UMAD1: variants seen among roughly 807,000 people sequenced by gnomAD.
UMAD1 encodes the protein UBAP1-MVB12-associated (UMA)-domain containing protein 1.
UMAD1 carries 8 observed loss-of-function variants against 6.1 expected under a neutral mutation model. The observed-to-expected ratio is 1.30, with a 90% CI of 0.76 to 2.35. The LOEUF is 2.35. UMAD1 is among the 30% of genes most tolerant of loss of function. The probability of loss-of-function intolerance (pLI) is 0.00; values close to 1 mark genes in which losing one functional copy is unlikely to be tolerated. For synonymous variants in UMAD1, 56 were observed against 31.4 expected (o/e 1.78, Z -2.61); for missense variants, 130 against 78.4 (o/e 1.66, Z -2.49).
intron 2 of UMAD1, among the ~76,000 whole-genome samples, chr7:7,679,880 T>A (rs1461238516): frequency 3.3e-5 from 5 of 151,672 alleles, no homozygotes; most frequent in African/African-American, 1.2e-4. Context: ...ATTTTAAAAT[T>A]GGATTATTTT....
intron 3 of UMAD1, among the ~76,000 whole-genome samples, chr7:7,877,058 G>T (rs1784432068): frequency 6.6e-6 from 1 of 152,174 alleles, no homozygotes; most frequent in African/African-American, 2.4e-5. Flanking sequence ...TGTTTAAGGG[G>T]TCTGTGGGTG....
chr7:7,864,602 TACACAC>T (rs59036228), intron 3 of UMAD1, among the ~76,000 whole-genome samples: 16,837 of 140,000 alleles, frequency 0.12, 1,077 homozygotes, highest in African/African-American at 0.17. Flanking sequence ...ACATGAAAAC[TACACAC>T]ACACACACAC....
intron 3 of UMAD1, among the ~76,000 whole-genome samples, chr7:7,826,661 A>T (rs1303830395): frequency 2.6e-5 from 4 of 152,154 alleles, no homozygotes; most frequent in African/African-American, 9.7e-5. Context: ...TGCATCTTCA[A>T]CCATAGCAGG....
intron 3 of UMAD1, among the ~76,000 whole-genome samples, chr7:7,813,996 T>A (rs1164246755): frequency 6.6e-6 from 1 of 152,148 alleles, no homozygotes; most frequent in Non-Finnish European, 1.5e-5. Context: ...ATTTATTTTT[T>A]TTTTTTGAGA....
chr7:7,676,330 C>T (rs150197283), intron 2 of UMAD1: 4 of 392,386 alleles, frequency 1.0e-5, no homozygotes, highest in African/African-American at 6.2e-5. Flanking sequence ...TTAGAAAAAC[C>T]CTGTGAGTGA....
At chr7:7,668,495 G>A (rs1282506671) in intron 1 of UMAD1, among the ~76,000 whole-genome samples, 2 of 152,098 alleles carry the variant, frequency 1.3e-5, no homozygotes, top group Admixed American at 1.3e-4. Context: ...ATCTCTTAGT[G>A]TGCCTAATTT....
At chr7:7,742,634 A>T (rs1043965870) in intron 2 of UMAD1, 4 of 358,196 alleles carry the variant, frequency 1.1e-5, no homozygotes, top group South Asian at 4.9e-5. Context: ...AGCCGAAAAG[A>T]ACCATAATTT....
At chr7:7,654,112 T>C (rs991643781) in intron 1 of UMAD1, among the ~76,000 whole-genome samples, 1 of 152,234 alleles carries the variant, frequency 6.6e-6, no homozygotes, top group Non-Finnish European at 1.5e-5. Flanking sequence ...TTCTTGATTC[T>C]GAAAACCATA....
intron 3 of UMAD1, among the ~76,000 whole-genome samples, chr7:7,847,064 A>T (rs1453374315): frequency 6.2e-5 from 3 of 48,206 alleles, no homozygotes; most frequent in Middle Eastern, 0.017. Context: ...AATAAAAAAA[A>T]AAAAAAAAAA....
chr7:7,738,661 A>C (rs926060014), intron 2 of UMAD1: 1 of 152,206 alleles, frequency 6.6e-6, no homozygotes, highest in South Asian at 2.1e-4. Context: ...GAGTGACATC[A>C]TATGTAGGCA....
intron 3 of UMAD1, among the ~76,000 whole-genome samples, chr7:7,873,130 T>A (rs1784360472): frequency 1.3e-5 from 2 of 152,216 alleles, no homozygotes; most frequent in East Asian, 3.8e-4. Context: ...CTAACTGTTA[T>A]CAATCTCATA....
At chr7:7,654,736 C>T (rs182784616) in intron 1 of UMAD1, among the ~76,000 whole-genome samples, 1 of 152,178 alleles carries the variant, frequency 6.6e-6, no homozygotes, top group African/African-American at 2.4e-5. Flanking sequence ...AACCCCATCT[C>T]TACTAAAAAA....
intron 2 of UMAD1, among the ~76,000 whole-genome samples, chr7:7,708,551 A>G (rs1780666004): frequency 6.6e-6 from 1 of 152,234 alleles, no homozygotes; most frequent in African/African-American, 2.4e-5. Flanking sequence ...GCAGTGCTTT[A>G]TAACTTGAAA....
At chr7:7,824,652 A>T (rs1199413415) in intron 3 of UMAD1, among the ~76,000 whole-genome samples, 1 of 152,112 alleles carries the variant, frequency 6.6e-6, no homozygotes, top group African/African-American at 2.4e-5. Flanking sequence ...TCACCAGTAG[A>T]AGTTTGGAAG....
At chr7:7,746,189 C>G (rs956265280) in intron 2 of UMAD1, among the ~76,000 whole-genome samples, 3 of 152,092 alleles carry the variant, frequency 2.0e-5, no homozygotes, top group Non-Finnish European at 4.4e-5. Flanking sequence ...CTTTGGTGCA[C>G]TGTGTGTGGA....
chr7:7,805,482 C>T (rs1428964879), intron 3 of UMAD1, among the ~76,000 whole-genome samples: 1 of 152,186 alleles, frequency 6.6e-6, no homozygotes, highest in Non-Finnish European at 1.5e-5. Context: ...TTAGAACAGT[C>T]TAAGCCACCC....
chr7:7,691,754 A>G (rs1385828639), intron 2 of UMAD1, among the ~76,000 whole-genome samples: 2 of 152,184 alleles, frequency 1.3e-5, no homozygotes, highest in Non-Finnish European at 2.9e-5. Context: ...TCTAATCTTT[A>G]TCGAATTAAA....
chr7:7,783,451 G>T (rs1782392283), intron 2 of UMAD1, among the ~76,000 whole-genome samples: 1 of 150,778 alleles, frequency 6.6e-6, no homozygotes. Flanking sequence ...TTGTGTCTTT[G>T]GGTGTTTGCT....
At chr7:7,819,099 C>G (rs1173397274) in intron 3 of UMAD1, among the ~76,000 whole-genome samples, 1 of 152,218 alleles carries the variant, frequency 6.6e-6, no homozygotes, top group African/African-American at 2.4e-5. Context: ...ATCCACCCAC[C>G]TCAGCCTCCC....
Sources: allele counts gnomAD v4.1 joint callset (sites outside exome capture counted in the v4.1 genomes callset), GRCh38; gene constraint gnomAD v4.1.1; transcripts MANE v1.5; gene names NCBI Gene and HGNC (gene_info 2026-07-23, HGNC 2026-07-21).